Variants in TAFA2 observed in about 807,000 individuals in gnomAD.
The protein encoded by TAFA2 is chemokine-like protein TAFA-2.
A neutral mutation model predicts 18.8 loss-of-function variants in TAFA2; 7 were observed. That is an observed-to-expected ratio of 0.37 (90% CI 0.21 to 0.70). TAFA2 has a LOEUF of 0.70. Ranked by LOEUF, TAFA2 falls within the 30% of genes least tolerant of loss-of-function variation. The pLI is 0.53. For missense variants in TAFA2, 122 were observed against 158.1 expected (o/e 0.77, Z 1.23); for synonymous variants, 60 against 54.2 (o/e 1.11, Z -0.47).
intron 3 of TAFA2, 99 bp from the exon 4 acceptor site, chr12:61,753,845 C>CTGTATTCCCACTGGT: frequency 9.5e-7 from 1 of 1,054,970 alleles, no homozygotes; most frequent in Non-Finnish European, 1.4e-6. Flanking sequence ...TTTTTCCTAC[C>CTGTATTCCCACTGGT]AGTGGGAATA....
chr12:62,028,699 A>G (rs961203197), intron 1 of TAFA2, among the ~76,000 whole-genome samples: 1 of 152,210 alleles, frequency 6.6e-6, no homozygotes, highest in Non-Finnish European at 1.5e-5. Flanking sequence ...AAAGCTACTG[A>G]CAGCCAGCAG....
At chr12:61,806,322 G>C (rs1871610730) in intron 2 of TAFA2, among the ~76,000 whole-genome samples, 1 of 152,078 alleles carries the variant, frequency 6.6e-6, no homozygotes, top group African/African-American at 2.4e-5. Context: ...TGTATTTTAA[G>C]GGGGAGTTTC....
chr12:62,115,671 C>T (rs913305542), intron 1 of TAFA2, among the ~76,000 whole-genome samples: 3 of 152,186 alleles, frequency 2.0e-5, no homozygotes, highest in Non-Finnish European at 2.9e-5. Flanking sequence ...CTGCTTCCCA[C>T]GGTTGTGTCT....
At chr12:61,775,024 A>C (rs1870195601) in intron 2 of TAFA2, among the ~76,000 whole-genome samples, 1 of 151,800 alleles carries the variant, frequency 6.6e-6, no homozygotes, top group Non-Finnish European at 1.5e-5. Flanking sequence ...TAGCAAACAC[A>C]TCACGAGAAA....
chr12:61,721,060 A>G (rs1049379318), intron 4 of TAFA2: 4 of 418,528 alleles, frequency 9.6e-6, no homozygotes, highest in Non-Finnish European at 1.4e-5. Context: ...AAAAAAGCTC[A>G]CAGTGGGGAT....
intron 2 of TAFA2, among the ~76,000 whole-genome samples, chr12:61,816,578 G>C (rs1243709894): frequency 6.6e-6 from 1 of 151,276 alleles, no homozygotes; most frequent in Non-Finnish European, 1.5e-5. Flanking sequence ...TCTGCTTTCA[G>C]CTCTTTGAGG....
At chr12:62,083,661 T>C (rs1198171300) in intron 1 of TAFA2, among the ~76,000 whole-genome samples, 1 of 152,178 alleles carries the variant, frequency 6.6e-6, no homozygotes. Flanking sequence ...ATTAAGAAAT[T>C]TGGTTCATCT....
chr12:62,163,749 G>A lies in TAFA2; in HGVS notation c.-2+27510C>T, dbSNP rs990901661. On this transcript the variant is annotated intron_variant, in intron 1 of 4. Coordinates refer to ENST00000416284, the MANE Select transcript of TAFA2 (RefSeq NM_178539.5). ...TTAAATATGGCAAATATATCAGTTT[G>A]TCTTCAAACTAATGTAAATCCCTCA... 9.2e-5 allele frequency among the ~76,000 whole-genome samples: 14 copies of A among 152,200 alleles called. 1 individual carries two copies. Among genetic ancestry groups the A allele is most frequent in the Admixed American group, 5.2e-4 (8 of 15,272 alleles).
chr12:61,992,586 G>A (rs974658905), intron 1 of TAFA2, among the ~76,000 whole-genome samples: 5 of 152,068 alleles, frequency 3.3e-5, no homozygotes, highest in Admixed American at 6.6e-5. Flanking sequence ...CCCTCAAAAT[G>A]TCTAAATGGT....
intron 1 of TAFA2, among the ~76,000 whole-genome samples, chr12:61,907,756 G>A (rs1421055373): frequency 2.0e-5 from 3 of 152,150 alleles, no homozygotes; most frequent in Admixed American, 2.0e-4. Context: ...AGGAGCGGGG[G>A]ATGTACCCTG....
At chr12:62,108,557 G>A (rs905386008) in intron 1 of TAFA2, among the ~76,000 whole-genome samples, 3 of 152,242 alleles carry the variant, frequency 2.0e-5, no homozygotes, top group South Asian at 4.2e-4. Flanking sequence ...TTGAGGAATC[G>A]CCACACTGTC....
intron 1 of TAFA2, among the ~76,000 whole-genome samples, chr12:62,048,763 G>A (rs923002096): frequency 6.6e-6 from 1 of 152,134 alleles, no homozygotes; most frequent in African/African-American, 2.4e-5. Flanking sequence ...AGAAATAAAT[G>A]ATTCTGCATA....
At chr12:62,126,824 A>T (rs1870481076) in intron 1 of TAFA2, among the ~76,000 whole-genome samples, 1 of 152,078 alleles carries the variant, frequency 6.6e-6, no homozygotes, top group African/African-American at 2.4e-5. Flanking sequence ...TTTAGCTAAC[A>T]ATTTTACAAT....
chr12:61,753,757 G>GA lies in TAFA2; in HGVS notation c.260-12dup, dbSNP rs759536403. The GA allele has an allele frequency of 1.6e-5, 26 of 1,586,188 alleles. No homozygotes were observed. The highest frequency in any genetic ancestry group is 1.7e-4 in the Middle Eastern group (1 of 5,918). On this transcript the variant is annotated splice_polypyrimidine_tract_variant and intron_variant, in intron 3 of 4. Transcript: ENST00000416284. ...GTTCCACTATTGAAGCTATAAGAGA[G>GA]AAAAAAAATTGACTCAACATTTTTT... is the stretch of plus-strand genomic sequence containing the variant.
chr12:62,077,219 T>G (rs1273068989), intron 1 of TAFA2, among the ~76,000 whole-genome samples: 7 of 152,198 alleles, frequency 4.6e-5, no homozygotes, highest in African/African-American at 1.7e-4. Context: ...CTTCTTTCAA[T>G]TAATTTGACA....
intron 1 of TAFA2, among the ~76,000 whole-genome samples, chr12:62,181,990 T>TCCCCCCC (rs71893210): frequency 6.5e-5 from 9 of 138,482 alleles, no homozygotes; most frequent in African/African-American, 1.1e-4. Flanking sequence ...CTCAAGTCCA[T>TCCCCCCC]CCCCCCCCCG....
chr12:61,771,028 A>G (rs1483054786), intron 2 of TAFA2, among the ~76,000 whole-genome samples: 3 of 152,052 alleles, frequency 2.0e-5, no homozygotes, highest in African/African-American at 4.8e-5. Context: ...ACACACATAA[A>G]CTTAAGGTAA....
At chr12:61,804,758 C>T (rs1281955298) in intron 2 of TAFA2, among the ~76,000 whole-genome samples, 1 of 152,030 alleles carries the variant, frequency 6.6e-6, no homozygotes, top group Non-Finnish European at 1.5e-5. Flanking sequence ...TTAAACCTGA[C>T]ATTAACCCTT....
chr12:62,202,579 C>T (rs1057039116), intron 1 of TAFA2, among the ~76,000 whole-genome samples: 15 of 152,026 alleles, frequency 9.9e-5, no homozygotes, highest in Non-Finnish European at 1.9e-4. Context: ...GCTTTGGCCT[C>T]CCAAAGTGCT....
Sources: gnomAD v4.1 joint callset for allele counts (sites outside exome capture counted in the v4.1 genomes callset) on GRCh38, gnomAD v4.1.1 for gene constraint, MANE v1.5 for transcripts, NCBI Gene and HGNC (gene_info 2026-07-23, HGNC 2026-07-21) for gene names.